The following RGS7 variants were observed in gnomAD, a reference collection of about 807,000 sequenced individuals.
The protein encoded by RGS7 is regulator of G protein signaling 7.
In RGS7, 27 loss-of-function variants were observed where a neutral mutation model predicts 81.1. That is an observed-to-expected ratio of 0.33 (90% confidence interval 0.25 to 0.46). The LOEUF is 0.46. RGS7 is among the 20% of genes least tolerant of loss of function. The pLI is 1.00. For missense variants in RGS7, 396 were observed against 607.4 expected (o/e 0.65, Z 3.66); for synonymous variants, 208 against 207.7 (o/e 1.00, Z -0.01).
intron 2 of RGS7, among the ~76,000 whole-genome samples, chr1:241,319,930 A>C (rs2081114814): frequency 6.6e-6 from 1 of 152,028 alleles, no homozygotes; most frequent in Non-Finnish European, 1.5e-5. Context: ...GTCTCTACTA[A>C]AAATGCAAAA....
At chr1:241,166,634 GT>G (rs2070271259) in intron 2 of RGS7, among the ~76,000 whole-genome samples, 1 of 152,162 alleles carries the variant, frequency 6.6e-6, no homozygotes, top group Admixed American at 6.5e-5. Context: ...AGACTTCTGA[GT>G]TTTTGAAAGA....
At chr1:240,954,146 A>G (rs759332971) in intron 4 of RGS7, among the ~76,000 whole-genome samples, 50 of 152,066 alleles carry the variant, frequency 3.3e-4, no homozygotes, top group Non-Finnish European at 8.8e-5. Context: ...ATGGGCCTAG[A>G]TAATTTTACT....
At chr1:240,806,347 G>T (rs1175780743) in intron 14 of RGS7, 21 bp from the exon 15 acceptor site, 17 of 1,611,606 alleles carry the variant, frequency 1.1e-5, no homozygotes, top group Non-Finnish European at 1.4e-5. Flanking sequence ...TGTGAGATCG[G>T]GTGTTTACTC....
chr1:240,808,088 T>C (rs1426236012), intron 14 of RGS7, among the ~76,000 whole-genome samples: 4 of 147,848 alleles, frequency 2.7e-5, no homozygotes, highest in Non-Finnish European at 5.9e-5. Flanking sequence ...GGAGCAGAAG[T>C]GTTGAAATTA....
chr1:241,272,045 G>A (rs1242115748), intron 2 of RGS7, among the ~76,000 whole-genome samples: 3 of 150,658 alleles, frequency 2.0e-5, no homozygotes. Flanking sequence ...ACAGGCTGGA[G>A]TGCAGTGGCG....
chr1:240,921,968 A>G (rs915357547), intron 6 of RGS7, among the ~76,000 whole-genome samples: 1 of 152,106 alleles, frequency 6.6e-6, no homozygotes, highest in African/African-American at 2.4e-5. Context: ...GCAATGACAG[A>G]GAGTTGACAC....
intron 2 of RGS7, among the ~76,000 whole-genome samples, chr1:241,232,325 C>G (rs977659969): frequency 3.3e-5 from 5 of 152,048 alleles, no homozygotes; most frequent in Non-Finnish European, 7.4e-5. Flanking sequence ...TAGCTGGGAC[C>G]ACAGGCTTGA....
chr1:240,862,812 ATTGATAGTGATTGC>A (rs1357376905), intron 9 of RGS7, among the ~76,000 whole-genome samples: 2 of 152,136 alleles, frequency 1.3e-5, no homozygotes, highest in South Asian at 2.1e-4. Flanking sequence ...GACTTTTAAA[ATTGATAGTGATTGC>A]TTCATAGTTT....
chr1:240,934,876 CTTTTTTTTTTTTTT>C lies in RGS7; in HGVS notation c.333+1710_333+1723del, dbSNP rs555195177. Reference sequence around the variant, plus strand: ...TATGGTGATCCCTTCCTTCACATGGCTTTTTTTTTTTTTTTTTTTTTTTTTTTTTTGAGACTGAG... The same window carrying C: ...TATGGTGATCCCTTCCTTCACATGGCTTTTTTTTTTTTTTTTGAGACTGAG... On this transcript the variant is annotated intron_variant, in intron 5 of 18. Coordinates refer to ENST00000440928, the MANE Select transcript of RGS7 (RefSeq NM_001364886.1). 9.8e-3 allele frequency among the ~76,000 whole-genome samples: 656 copies of C among 67,122 alleles called. 11 individuals carry two copies. Among genetic ancestry groups the C allele is most frequent in the African/African-American group, 0.039 (623 of 16,132 alleles). The allele number at this position is 67,122 out of a possible 152,430, so 44.0% of individuals were successfully genotyped here. A position where few individuals can be genotyped will look rare whatever the true frequency, so the allele number is the denominator to read the frequency against.
intron 9 of RGS7, among the ~76,000 whole-genome samples, chr1:240,851,427 T>C (rs926808265): frequency 6.6e-6 from 1 of 152,224 alleles, no homozygotes; most frequent in Admixed American, 6.5e-5. Context: ...TCACTGACAA[T>C]GCACCTGGTC....
chr1:241,188,285 T>TCACACACACA lies in RGS7; in HGVS notation c.79-89533_79-89524dup, dbSNP rs59722851. On this transcript the variant is annotated intron_variant, in intron 2 of 18. Transcript: ENST00000440928. ...CTATTATAGTCCTTTTCTTTTATCC[T>TCACACACACA]CACACACACACACACACACACACAC... Among the ~76,000 whole-genome samples, 1,021 of 148,136 alleles carry TCACACACACA rather than the reference T, an allele frequency of 6.9e-3. 13 individuals carry two copies. Among genetic ancestry groups the TCACACACACA allele is most frequent in the African/African-American group, 0.024 (985 of 40,250 alleles).
chr1:241,042,038 C>T (rs992534200), intron 3 of RGS7, among the ~76,000 whole-genome samples: 11 of 152,254 alleles, frequency 7.2e-5, no homozygotes, highest in African/African-American at 2.6e-4. Context: ...TGCAGTGGAA[C>T]ACCTGCTGTT....
chr1:241,157,753 T>C (rs2069279229), intron 2 of RGS7, among the ~76,000 whole-genome samples: 1 of 152,054 alleles, frequency 6.6e-6, no homozygotes, highest in Non-Finnish European at 1.5e-5. Context: ...TATTTCATAA[T>C]ATGTGAAAAT....
chr1:240,941,097 T>C (rs1051298608), intron 4 of RGS7, among the ~76,000 whole-genome samples: 3 of 152,228 alleles, frequency 2.0e-5, no homozygotes, highest in African/African-American at 7.2e-5. Flanking sequence ...GGAAAATTTG[T>C]TTTGATACTT....
At chr1:240,848,633 G>GTTTTT (rs5782165) in intron 9 of RGS7, among the ~76,000 whole-genome samples, 2 of 148,970 alleles carry the variant, frequency 1.3e-5, no homozygotes, top group African/African-American at 4.9e-5. Flanking sequence ...ATAACGAGAG[G>GTTTTT]TTTTTTTTTT....
chr1:241,356,988 AG>A lies in RGS7; in HGVS notation c.-141del, dbSNP rs2083623507. On this transcript the variant is annotated 5_prime_UTR_variant, in exon 1 of 19. The change abolishes the stop of an existing upstream ORF in the 5' untranslated region. Transcript: ENST00000440928. The stretch of plus-strand genomic sequence containing the variant: ...TCAGCTGGCGGCAAGCGGAGCAGCG[AG>A]GCAGGGTAGCTTCATCACACTCGCG... 6.6e-6 allele frequency: 1 copy of A among 151,952 alleles called. No homozygotes were observed. Among genetic ancestry groups the A allele is most frequent in the South Asian group, 2.1e-4 (1 of 4,838 alleles). 9.4% of individuals were successfully genotyped at this position (151,952 alleles called of 1,614,324 possible). A position where few individuals can be genotyped will look rare whatever the true frequency, so the allele number is the denominator to read the frequency against.
intron 2 of RGS7, among the ~76,000 whole-genome samples, chr1:241,346,473 G>C (rs546777221): frequency 6.6e-6 from 1 of 152,318 alleles, no homozygotes; most frequent in East Asian, 1.9e-4. Context: ...GAGCAACACA[G>C]TAAAGAGGCA....
intron 6 of RGS7, among the ~76,000 whole-genome samples, chr1:240,913,082 T>C (rs541464674): frequency 6.6e-6 from 1 of 152,294 alleles, no homozygotes; most frequent in South Asian, 2.1e-4. Flanking sequence ...AGTTAATATG[T>C]GAAGCTATTT....
chr1:241,064,146 G>A (rs1375764376), intron 3 of RGS7, among the ~76,000 whole-genome samples: 4 of 139,040 alleles, frequency 2.9e-5, no homozygotes, highest in Non-Finnish European at 6.0e-5. Flanking sequence ...TCATGCCATT[G>A]CACTCCAGCC....
Sources: gnomAD v4.1 joint callset for allele counts (sites outside exome capture counted in the v4.1 genomes callset) on GRCh38, gnomAD v4.1.1 for gene constraint, MANE v1.5 for transcripts, NCBI Gene and HGNC (gene_info 2026-07-23, HGNC 2026-07-21) for gene names.